The following USH2A variants were observed in gnomAD, a reference collection of about 807,000 sequenced individuals.
USH2A encodes usherin.
A neutral mutation model predicts 538.9 loss-of-function variants in USH2A; 443 were observed. The observed-to-expected ratio is 0.82, with a 90% CI of 0.76 to 0.89. The LOEUF is 0.89. USH2A is among the 40% of genes least tolerant of loss of function. The probability of loss-of-function intolerance (pLI) is 0.00; values close to 1 mark genes in which losing one functional copy is unlikely to be tolerated. For missense variants in USH2A, 6,633 were observed against 6,324.8 expected (o/e 1.05, Z -1.65); for synonymous variants, 2,413 against 2,273.5 (o/e 1.06, Z -1.75).
At chr1:216,157,108 G>A (rs1329286643) in intron 21 of USH2A, among the ~76,000 whole-genome samples, 2 of 152,022 alleles carry the variant, frequency 1.3e-5, no homozygotes, top group East Asian at 1.9e-4. Flanking sequence ...TCTTGACCTC[G>A]TGATCCACCC....
intron 41 of USH2A, among the ~76,000 whole-genome samples, chr1:215,886,944 G>T (rs192368451): frequency 6.6e-6 from 1 of 151,924 alleles, no homozygotes; most frequent in African/African-American, 2.4e-5. Flanking sequence ...TGCAAGCTCC[G>T]CCTCCCAGGT....
intron 57 of USH2A, among the ~76,000 whole-genome samples, chr1:215,759,206 G>A (rs1010577479): frequency 1.3e-5 from 2 of 152,108 alleles, no homozygotes; most frequent in Non-Finnish European, 2.9e-5. Context: ...TCTCTGCTGA[G>A]AAATGAATGG....
intron 32 of USH2A, among the ~76,000 whole-genome samples, chr1:216,043,333 G>A (rs558088602): frequency 1.3e-5 from 2 of 152,002 alleles, no homozygotes; most frequent in South Asian, 4.2e-4. Flanking sequence ...TCCTTGACCA[G>A]CATTGCAGTC....
chr1:215,830,107 T>A (rs1442282836), intron 47 of USH2A, among the ~76,000 whole-genome samples: 1 of 152,154 alleles, frequency 6.6e-6, no homozygotes, highest in Admixed American at 6.5e-5. Context: ...GTTTCCCATT[T>A]TTTTTCCCCC....
chr1:216,042,798 T>C (rs1219779384), intron 32 of USH2A, among the ~76,000 whole-genome samples: 1 of 152,048 alleles, frequency 6.6e-6, no homozygotes, highest in African/African-American at 2.4e-5. Context: ...TCCATATCAC[T>C]GATATAAAAT....
At chr1:216,079,177 G>T (rs372255742) in intron 26 of USH2A, 5 of 151,954 alleles carry the variant, frequency 3.3e-5, no homozygotes, top group African/African-American at 1.2e-4. Flanking sequence ...TTCCATAAAA[G>T]CATCATCTTC....
intron 32 of USH2A, among the ~76,000 whole-genome samples, chr1:216,003,312 A>G (rs1057140726): frequency 6.6e-6 from 1 of 152,110 alleles, no homozygotes; most frequent in Admixed American, 6.6e-5. Context: ...TATGGGTAAG[A>G]AAGGTGTTGC....
At position 216,175,246 on chromosome 1, in the gene USH2A, A is replaced by C. The variant is rs1425551529; in HGVS notation, c.4627+6T>G. On this transcript the variant is annotated splice_donor_region_variant and intron_variant, in intron 21 of 71. Coordinates refer to ENST00000307340, the MANE Select transcript of USH2A (RefSeq NM_206933.4). The stretch of plus-strand genomic sequence containing the variant: ...TCCTAAATAAAGCAATGTCAAACAC[A>C]CTTACCAGTGAAGTCTGTATTGACT... The C allele has an allele frequency of 1.2e-6, 2 of 1,613,506 alleles. No homozygotes were observed.
chr1:215,833,969 T>C (rs935332838), intron 47 of USH2A, among the ~76,000 whole-genome samples: 3 of 152,130 alleles, frequency 2.0e-5, no homozygotes, highest in Admixed American at 6.5e-5. Flanking sequence ...GTATCATTAG[T>C]CATTAGGGAA....
chr1:215,780,374 C>T (rs1416879566), intron 54 of USH2A, among the ~76,000 whole-genome samples: 1 of 152,176 alleles, frequency 6.6e-6, no homozygotes, highest in Non-Finnish European at 1.5e-5. Flanking sequence ...AACTCTCTTC[C>T]ATATGGCCCA....
intron 65 of USH2A, among the ~76,000 whole-genome samples, chr1:215,649,205 T>C (rs1420729033): frequency 6.6e-6 from 1 of 152,172 alleles, no homozygotes; most frequent in African/African-American, 2.4e-5. Context: ...TTGCATGCAA[T>C]TTCTCAGTCA....
chr1:216,401,568 T>C (rs1020328482), intron 3 of USH2A, among the ~76,000 whole-genome samples: 1 of 152,062 alleles, frequency 6.6e-6, no homozygotes, highest in Non-Finnish European at 1.5e-5. Context: ...ATTCACTTCA[T>C]GGACATCAAC....
intron 3 of USH2A, among the ~76,000 whole-genome samples, chr1:216,411,003 G>A (rs2039480807): frequency 1.3e-5 from 2 of 151,916 alleles, no homozygotes; most frequent in Non-Finnish European, 2.9e-5. Flanking sequence ...AAAATAATCT[G>A]TGCATATCAT....
chr1:216,097,963 C>G (rs1460753669), intron 21 of USH2A, among the ~76,000 whole-genome samples: 5 of 151,294 alleles, frequency 3.3e-5, no homozygotes, highest in Non-Finnish European at 7.4e-5. Flanking sequence ...GATGCCTCCC[C>G]CCTACCTTTA....
intron 11 of USH2A, among the ~76,000 whole-genome samples, chr1:216,274,380 AATCTAT>A (rs1368789845): frequency 6.6e-6 from 1 of 152,136 alleles, no homozygotes; most frequent in African/African-American, 2.4e-5. Flanking sequence ...TTACACAAAA[AATCTAT>A]ATCTATATTT....
At chr1:215,939,406 A>G (rs141545003) in intron 37 of USH2A, among the ~76,000 whole-genome samples, 108 of 152,294 alleles carry the variant, frequency 7.1e-4, no homozygotes, top group African/African-American at 2.6e-3. Flanking sequence ...TACATGAAAA[A>G]ATAGACCAAA....
chr1:216,296,358 G>T (rs1406785917), intron 9 of USH2A, among the ~76,000 whole-genome samples: 1 of 151,908 alleles, frequency 6.6e-6, no homozygotes, highest in Non-Finnish European at 1.5e-5. Flanking sequence ...TTAGGCTAAG[G>T]TAGTTGTCCC....
intron 32 of USH2A, among the ~76,000 whole-genome samples, chr1:216,029,482 A>G (rs1482829716): frequency 1.3e-5 from 2 of 152,048 alleles, no homozygotes; most frequent in Non-Finnish European, 2.9e-5. Flanking sequence ...TATGTTACAT[A>G]TGTGTGTGTA....
chr1:215,953,747 A>G lies in USH2A; in HGVS notation c.7120+11570T>C, dbSNP rs866987554. On this transcript the variant is annotated intron_variant, in intron 37 of 71. Coordinates refer to ENST00000307340, the MANE Select transcript of USH2A (RefSeq NM_206933.4). ...TTAAACTAAAGAGCTTCTGCACAGC[A>G]AAAGAAACTACCATCAGAGTGAACA... Among the ~76,000 whole-genome samples, 56 of 152,098 alleles carry G rather than the reference A, an allele frequency of 3.7e-4. No individual in the cohort carries two copies. In the Middle Eastern group the frequency reaches 0.014, roughly 37 times the overall value.
Sources: gnomAD v4.1 joint callset for allele counts (sites outside exome capture counted in the v4.1 genomes callset) on GRCh38, gnomAD v4.1.1 for gene constraint, MANE v1.5 for transcripts, NCBI Gene and HGNC (gene_info 2026-07-23, HGNC 2026-07-21) for gene names.